Variants in RNGTT observed in about 807,000 individuals in gnomAD.
The protein encoded by RNGTT is mRNA-capping enzyme.
In RNGTT, 33 loss-of-function variants were observed where a neutral mutation model predicts 79.3. The observed-to-expected ratio is 0.42, with a 90% CI of 0.32 to 0.56. RNGTT has a LOEUF of 0.56. Among genes scored for constraint, RNGTT ranks in the 20% least tolerant of loss-of-function variants. The pLI is 0.17. For synonymous variants in RNGTT, 222 were observed against 235.9 expected (o/e 0.94, Z 0.54); for missense variants, 497 against 739.1 (o/e 0.67, Z 3.80).
intron 13 of RNGTT, among the ~76,000 whole-genome samples, chr6:88,760,269 A>G (rs981745052): frequency 3.9e-5 from 6 of 152,192 alleles, no homozygotes; most frequent in African/African-American, 1.4e-4. Context: ...TTTCTGCTGA[A>G]TGCAGGAAGG....
intron 8 of RNGTT, among the ~76,000 whole-genome samples, chr6:88,854,984 C>CA (rs1403597380): frequency 6.6e-6 from 1 of 152,014 alleles, no homozygotes; most frequent in African/African-American, 2.4e-5. Context: ...AAATTTATAG[C>CA]AAAAAAGATT....
chr6:88,706,953 G>T (rs1470655288), intron 13 of RNGTT, among the ~76,000 whole-genome samples: 1 of 152,112 alleles, frequency 6.6e-6, no homozygotes, highest in East Asian at 1.9e-4. Flanking sequence ...AATACCTGTT[G>T]TTAATATGAC....
chr6:88,720,598 G>C (rs1303695255), intron 13 of RNGTT, among the ~76,000 whole-genome samples: 1 of 151,952 alleles, frequency 6.6e-6, no homozygotes, highest in Non-Finnish European at 1.5e-5. Context: ...GATCCCTAAA[G>C]CTCCAGAGAT....
At chr6:88,636,960 T>C (rs1773122809) in intron 14 of RNGTT, among the ~76,000 whole-genome samples, 1 of 152,078 alleles carries the variant, frequency 6.6e-6, no homozygotes, top group Non-Finnish European at 1.5e-5. Flanking sequence ...AATCAGATGC[T>C]TTTGATAAAT....
intron 9 of RNGTT, among the ~76,000 whole-genome samples, chr6:88,853,131 T>G (rs923903232): frequency 4.6e-5 from 7 of 152,218 alleles, no homozygotes; most frequent in Admixed American, 2.6e-4. Context: ...TGCTCAAAGA[T>G]TCAGTTGGCA....
At chr6:88,781,768 T>A (rs1779071764) in intron 12 of RNGTT, among the ~76,000 whole-genome samples, 1 of 152,090 alleles carries the variant, frequency 6.6e-6, no homozygotes, top group Admixed American at 6.5e-5. Flanking sequence ...AAAAAACTAG[T>A]TCATCTCCAT....
intron 13 of RNGTT, among the ~76,000 whole-genome samples, chr6:88,722,878 C>A (rs377634472): frequency 1.3e-5 from 2 of 152,186 alleles, no homozygotes; most frequent in African/African-American, 4.8e-5. Flanking sequence ...GCATTATTCA[C>A]ATGTTTGTGG....
intron 13 of RNGTT, among the ~76,000 whole-genome samples, chr6:88,684,727 T>C (rs1306538565): frequency 1.3e-5 from 2 of 152,318 alleles, no homozygotes; most frequent in Non-Finnish European, 1.5e-5. Context: ...TATGTCATTA[T>C]ACATTTGTCA....
At chr6:88,638,087 G>T (rs1433300183) in intron 14 of RNGTT, among the ~76,000 whole-genome samples, 3 of 151,996 alleles carry the variant, frequency 2.0e-5, no homozygotes, top group Non-Finnish European at 4.4e-5. Context: ...GAAGATTTTG[G>T]ACATAAACCT....
intron 13 of RNGTT, among the ~76,000 whole-genome samples, chr6:88,709,837 C>A (rs981227626): frequency 2.0e-5 from 3 of 152,200 alleles, no homozygotes; most frequent in African/African-American, 7.2e-5. Flanking sequence ...ACTATTTTAA[C>A]TCTATCTTTC....
intron 14 of RNGTT, among the ~76,000 whole-genome samples, chr6:88,632,238 A>G (rs1772918684): frequency 6.6e-6 from 1 of 152,196 alleles, no homozygotes; most frequent in Admixed American, 6.5e-5. Context: ...CTGTGATTAC[A>G]GACATAAGCC....
intron 4 of RNGTT, among the ~76,000 whole-genome samples, chr6:88,916,572 G>C (rs969604935): frequency 3.9e-5 from 6 of 152,214 alleles, no homozygotes; most frequent in African/African-American, 1.2e-4. Context: ...GCTAAAGTGA[G>C]ATGCTGGTAT....
chr6:88,687,676 C>T (rs985573622), intron 13 of RNGTT, among the ~76,000 whole-genome samples: 7 of 151,784 alleles, frequency 4.6e-5, no homozygotes, highest in South Asian at 2.1e-4. Context: ...AAAAAGAAGG[C>T]GCAAGAGAGG....
intron 14 of RNGTT, among the ~76,000 whole-genome samples, chr6:88,670,099 G>A (rs1053319714): frequency 6.6e-6 from 1 of 152,186 alleles, no homozygotes; most frequent in Non-Finnish European, 1.5e-5. Context: ...GGAAAGAGGG[G>A]TCTGTGGAAA....
chr6:88,654,867 G>C (rs1208387307), intron 14 of RNGTT, among the ~76,000 whole-genome samples: 6 of 152,090 alleles, frequency 3.9e-5, no homozygotes, highest in South Asian at 4.1e-4. Flanking sequence ...AAAAGAAAAA[G>C]AAACAAAACA....
At chr6:88,742,923 G>C (rs1417028746) in intron 13 of RNGTT, among the ~76,000 whole-genome samples, 2 of 152,132 alleles carry the variant, frequency 1.3e-5, no homozygotes, top group Non-Finnish European at 2.9e-5. Context: ...CACAGTTTAA[G>C]ACGTCACCTT....
In RNGTT at chr6:88,699,002, A is replaced by G. The variant is rs76847787; in HGVS notation, c.1440-20583T>C. 8.5e-3 allele frequency among the ~76,000 whole-genome samples: 1,293 copies of G among 152,314 alleles called. 19 individuals are homozygous for G. The highest frequency in any genetic ancestry group is 0.029 in the African/African-American group (1,206 of 41,584). On this transcript the variant is annotated intron_variant, in intron 13 of 15. Transcript: ENST00000369485. ...TAAAATGATGAGTATAAACAATTAC[A>G]TAGCTGACTAGGATCACTCTTTATA...
intron 14 of RNGTT, among the ~76,000 whole-genome samples, chr6:88,671,463 C>T (rs1774635605): frequency 6.6e-6 from 1 of 152,056 alleles, no homozygotes; most frequent in Admixed American, 6.5e-5. Context: ...ATGACAAAAA[C>T]AAATGGAAAC....
chr6:88,958,271 G>T (rs1051207327), intron 1 of RNGTT, among the ~76,000 whole-genome samples: 1 of 152,142 alleles, frequency 6.6e-6, no homozygotes, highest in East Asian at 1.9e-4. Context: ...AAAAATTCTA[G>T]AAGATAACAT....
Sources: allele counts gnomAD v4.1 joint callset (sites outside exome capture counted in the v4.1 genomes callset), GRCh38; gene constraint gnomAD v4.1.1; transcripts MANE v1.5; gene names NCBI Gene and HGNC (gene_info 2026-07-23, HGNC 2026-07-21).